Variants in SLC24A2 observed in about 807,000 individuals in gnomAD.
The protein encoded by SLC24A2 is sodium/potassium/calcium exchanger 2.
In SLC24A2, 36 loss-of-function variants were observed where a neutral mutation model predicts 62.0. That is an observed-to-expected ratio of 0.58 (90% CI 0.44 to 0.77). The LOEUF (loss-of-function observed/expected upper bound fraction) is 0.77, where lower values mean the gene tolerates loss of function less well. SLC24A2 is among the 30% of genes least tolerant of loss of function. SLC24A2 has a pLI of 0.00. For missense variants in SLC24A2, 846 were observed against 817.9 expected (o/e 1.03, Z -0.42); for synonymous variants, 358 against 294.0 (o/e 1.22, Z -2.23).
chr9:19,818,263 T>C, the SLC24A2 span, among the ~76,000 whole-genome samples: 1 of 152,112 alleles, frequency 6.6e-6, no homozygotes, highest in African/African-American at 2.4e-5. Context: ...GTGCTTCATG[T>C]TCTCACCAGT....
At chr9:19,755,963 T>C (rs1822128508) in intron 2 of SLC24A2, among the ~76,000 whole-genome samples, 1 of 152,182 alleles carries the variant, frequency 6.6e-6, no homozygotes, top group Non-Finnish European at 1.5e-5. Context: ...ATAATGAGCT[T>C]GGTTCACATA....
At chr9:20,218,876 T>A in the SLC24A2 span, among the ~76,000 whole-genome samples, 20,888 of 152,068 alleles carry the variant, frequency 0.14, 1,669 homozygotes, top group African/African-American at 0.21. Context: ...GCAATCCAGG[T>A]GTCTGCGAGG....
the SLC24A2 span, among the ~76,000 whole-genome samples, chr9:20,084,554 A>G: frequency 6.9e-6 from 1 of 144,822 alleles, no homozygotes; most frequent in African/African-American, 2.6e-5. Flanking sequence ...ATTATTAAAC[A>G]TTCACCATAT....
the SLC24A2 span, among the ~76,000 whole-genome samples, chr9:20,090,121 T>C: frequency 6.6e-6 from 1 of 152,112 alleles, no homozygotes; most frequent in Non-Finnish European, 1.5e-5. Flanking sequence ...GAAGCCACTC[T>C]GTCTCCCATG....
At chr9:19,997,807 T>A in the SLC24A2 span, among the ~76,000 whole-genome samples, 3 of 152,198 alleles carry the variant, frequency 2.0e-5, no homozygotes, top group Non-Finnish European at 4.4e-5. Context: ...GAAACTGTAT[T>A]TGGATAAATA....
At chr9:19,907,277 C>T in the SLC24A2 span, among the ~76,000 whole-genome samples, 1,642 of 152,274 alleles carry the variant, frequency 0.011, 30 homozygotes, top group African/African-American at 0.038. Flanking sequence ...AATTCAGCAA[C>T]GCTTCATGCT....
intron 8 of SLC24A2, among the ~76,000 whole-genome samples, chr9:19,535,126 T>C (rs778577834): frequency 6.6e-6 from 1 of 152,250 alleles, no homozygotes; most frequent in African/African-American, 2.4e-5. Flanking sequence ...TGAGCTTTTT[T>C]TTCATGTTTG....
chr9:20,262,185 A>G, the SLC24A2 span, among the ~76,000 whole-genome samples: 2 of 152,222 alleles, frequency 1.3e-5, no homozygotes, highest in Non-Finnish European at 2.9e-5. Context: ...CTTCCAGCTT[A>G]CTCAGGGTTT....
At chr9:19,647,244 T>TATTTATTAAAGAAACTATTTATAAAGA (rs376200310) in intron 2 of SLC24A2, among the ~76,000 whole-genome samples, 6,281 of 152,276 alleles carry the variant, frequency 0.041, 155 homozygotes, top group Middle Eastern at 0.12. Context: ...CCATAGAAAC[T>TATTTATTAAAGAAACTATTTATAAAGA]AAGCATTTAT....
the SLC24A2 span, among the ~76,000 whole-genome samples, chr9:20,038,337 C>G: frequency 6.6e-6 from 1 of 152,152 alleles, no homozygotes; most frequent in East Asian, 1.9e-4. Context: ...AGCTATTGCC[C>G]TTGTCATTGT....
chr9:19,674,470 T>C (rs944770842), intron 2 of SLC24A2, among the ~76,000 whole-genome samples: 1 of 152,208 alleles, frequency 6.6e-6, no homozygotes, highest in African/African-American at 2.4e-5. Context: ...TTTCCAAACT[T>C]TTAGATTTCT....
chr9:20,150,394 C>A, the SLC24A2 span, among the ~76,000 whole-genome samples: 1 of 152,008 alleles, frequency 6.6e-6, no homozygotes, highest in East Asian at 1.9e-4. Flanking sequence ...AATCTGTGAC[C>A]TATCAAGAAA....
At chr9:20,196,907 T>A in the SLC24A2 span, among the ~76,000 whole-genome samples, 2 of 152,218 alleles carry the variant, frequency 1.3e-5, no homozygotes, top group African/African-American at 4.8e-5. Context: ...ATGCCTTGTA[T>A]AAAGTAGAAA....
chr9:19,675,539 C>T (rs968006773), intron 2 of SLC24A2, among the ~76,000 whole-genome samples: 1 of 152,168 alleles, frequency 6.6e-6, no homozygotes, highest in Middle Eastern at 3.4e-3. Context: ...TGTGCTGTTG[C>T]AGAGGATGAG....
chr9:20,141,974 C>T, the SLC24A2 span, among the ~76,000 whole-genome samples: 16,297 of 151,896 alleles, frequency 0.11, 1,147 homozygotes, highest in East Asian at 0.3. Context: ...TCCCAGCTAA[C>T]TGGGAGGCTG....
the SLC24A2 span, among the ~76,000 whole-genome samples, chr9:20,232,407 T>G: frequency 1.3e-5 from 2 of 152,234 alleles, no homozygotes; most frequent in African/African-American, 4.8e-5. Flanking sequence ...TTGCCTCAAT[T>G]TCAGATCCTG....
chr9:19,870,397 C>A, the SLC24A2 span, among the ~76,000 whole-genome samples: 1 of 152,132 alleles, frequency 6.6e-6, no homozygotes, highest in Non-Finnish European at 1.5e-5. Context: ...TACAGATATA[C>A]CACATCTTGT....
At chr9:20,215,974 A>G in the SLC24A2 span, among the ~76,000 whole-genome samples, 1 of 152,170 alleles carries the variant, frequency 6.6e-6, no homozygotes, top group African/African-American at 2.4e-5. Flanking sequence ...ATAGCCTCTC[A>G]ATGAATCCTT....
chr9:19,683,694 T>C (rs1365064600), intron 2 of SLC24A2, among the ~76,000 whole-genome samples: 1 of 152,150 alleles, frequency 6.6e-6, no homozygotes, highest in African/African-American at 2.4e-5. Context: ...AGGACCGCTA[T>C]ACCACGTGAT....
Sources: gnomAD v4.1 joint callset for allele counts (sites outside exome capture counted in the v4.1 genomes callset) on GRCh38, gnomAD v4.1.1 for gene constraint, MANE v1.5 for transcripts, NCBI Gene and HGNC (gene_info 2026-07-23, HGNC 2026-07-21) for gene names.